Variants in MRTFB observed in about 807,000 individuals in gnomAD.
MRTFB encodes myocardin-related transcription factor B.
Under a neutral mutation model 104.2 loss-of-function variants are expected in MRTFB, and 29 were observed. The ratio of observed to expected loss-of-function variants is 0.28; its 90% CI spans 0.21 to 0.38. MRTFB has a LOEUF of 0.38. MRTFB is among the 10% of genes least tolerant of loss of function. The pLI is 1.00. For synonymous variants in MRTFB, 535 were observed against 519.5 expected (o/e 1.03, Z -0.41); for missense variants, 1,270 against 1,341.6 (o/e 0.95, Z 0.83).
chr16:14,143,506 A>ATT (rs201877546), intron 3 of MRTFB: 3 of 141,478 alleles, frequency 2.1e-5, no homozygotes, highest in African/African-American at 8.7e-5. Flanking sequence ...GGTAGTACTG[A>ATT]TTCTTTTTTT....
At chr16:14,101,160 T>C (rs1285710282) in intron 2 of MRTFB, among the ~76,000 whole-genome samples, 1 of 151,912 alleles carries the variant, frequency 6.6e-6, no homozygotes, top group African/African-American at 2.4e-5. Flanking sequence ...TTTTCTGATT[T>C]TAAGGGTAAA....
intron 3 of MRTFB, among the ~76,000 whole-genome samples, chr16:14,167,816 C>T (rs1297890166): frequency 6.6e-6 from 1 of 152,136 alleles, no homozygotes; most frequent in Non-Finnish European, 1.5e-5. Flanking sequence ...CTCAGCCTCC[C>T]AGTAGCTGGG....
intron 3 of MRTFB, among the ~76,000 whole-genome samples, chr16:14,172,577 T>C (rs1314940025): frequency 6.6e-6 from 1 of 152,090 alleles, no homozygotes; most frequent in East Asian, 1.9e-4. Context: ...AAAAGAAAAA[T>C]GCATGTGTAG....
At chr16:14,152,394 C>T (rs532299165) in intron 3 of MRTFB, 2 of 151,790 alleles carry the variant, frequency 1.3e-5, no homozygotes, top group South Asian at 4.2e-4. Context: ...GAAACAGAAA[C>T]AGTTCGGTTG....
chr16:14,094,156 T>C (rs2141994932), intron 2 of MRTFB, among the ~76,000 whole-genome samples: 1 of 152,266 alleles, frequency 6.6e-6, no homozygotes. Flanking sequence ...TCTGGGCTTG[T>C]CCGGCTCACT....
At chr16:14,164,734 A>G (rs2039169348) in intron 3 of MRTFB, among the ~76,000 whole-genome samples, 1 of 152,182 alleles carries the variant, frequency 6.6e-6, no homozygotes, top group African/African-American at 2.4e-5. Context: ...ATGTTTTACA[A>G]ATAAGGGACT....
chr16:14,027,741 G>C, the MRTFB span, among the ~76,000 whole-genome samples: 1 of 152,094 alleles, frequency 6.6e-6, no homozygotes, highest in African/African-American at 2.4e-5. Context: ...AACTTTAAAG[G>C]GGATTCCTTA....
chr16:14,153,395 A>G (rs548364551), intron 3 of MRTFB, among the ~76,000 whole-genome samples: 1 of 152,330 alleles, frequency 6.6e-6, no homozygotes, highest in Admixed American at 6.5e-5. Flanking sequence ...GAAAAATGGA[A>G]TTTGGTTAAA....
In MRTFB at chr16:14,086,616, A is replaced by G. The variant is rs373041782; in HGVS notation, c.-64+7262A>G. On this transcript the variant is annotated intron_variant, in intron 2 of 16. Transcript: ENST00000571589. ...GTATAATCTTGTATTTGTTTTCTAA[A>G]ATAACCAAATTTCTGGTTTCTTCAA... is the stretch of plus-strand genomic sequence containing the variant. 2.4e-4 allele frequency among the ~76,000 whole-genome samples: 36 copies of G among 152,248 alleles called. 1 individual carries two copies. The highest frequency in any genetic ancestry group is 4.4e-4 in the Non-Finnish European group (30 of 68,006).
chr16:14,250,371 A>G (rs990097691), intron 13 of MRTFB, among the ~76,000 whole-genome samples: 7 of 152,224 alleles, frequency 4.6e-5, no homozygotes, highest in East Asian at 3.8e-4. Context: ...TACAGTTACA[A>G]TATCAGCAGT....
At chr16:14,228,906 G>A (rs557435763) in intron 8 of MRTFB, among the ~76,000 whole-genome samples, 3 of 152,276 alleles carry the variant, frequency 2.0e-5, no homozygotes, top group African/African-American at 7.2e-5. Context: ...ATGATTGCCT[G>A]GGGGTGAGGG....
the MRTFB span, among the ~76,000 whole-genome samples, chr16:14,024,411 C>A: frequency 6.6e-6 from 1 of 152,196 alleles, no homozygotes. Flanking sequence ...TAGCCAAAGT[C>A]TAACAATATC....
At position 14,240,852 on chromosome 16, in the gene MRTFB, T is replaced by C. The variant is rs13335147; in HGVS notation, c.1079+368T>C. On this transcript the variant is annotated intron_variant, in intron 10 of 16. Coordinates refer to ENST00000571589, the MANE Select transcript of MRTFB (RefSeq NM_001308142.2). Reference sequence around the variant, plus strand: ...AGAAGAGAAGGATGGGCATGAAAGCTGGAGTGGTCAAAGGAAAGCCTGGTG... The same window carrying C: ...AGAAGAGAAGGATGGGCATGAAAGCCGGAGTGGTCAAAGGAAAGCCTGGTG... The C allele has an allele frequency of 8.9e-3, 5,733 of 646,402 alleles. 254 individuals are homozygous for C. The African/African-American group carries it at 0.092, about 10-fold the overall frequency. 40.0% of individuals were successfully genotyped at this position (646,402 alleles called of 1,614,324 possible). A position where few individuals can be genotyped will look rare whatever the true frequency, so the allele number is the denominator to read the frequency against.
the MRTFB span, among the ~76,000 whole-genome samples, chr16:14,025,455 T>G: frequency 6.6e-5 from 10 of 152,210 alleles, no homozygotes; most frequent in South Asian, 6.2e-4. Context: ...GTTTACCCAG[T>G]GCCTATCAAG....
intron 3 of MRTFB, among the ~76,000 whole-genome samples, chr16:14,204,973 A>G (rs2040875610): frequency 6.6e-6 from 1 of 152,248 alleles, no homozygotes; most frequent in African/African-American, 2.4e-5. Flanking sequence ...AACCTAAGTG[A>G]TAAACAGGGA....
At chr16:14,222,186 T>C (rs899983140) in intron 8 of MRTFB, among the ~76,000 whole-genome samples, 3 of 152,180 alleles carry the variant, frequency 2.0e-5, no homozygotes, top group South Asian at 2.1e-4. Context: ...GTAACAGAGG[T>C]CCACAGACCA....
At position 14,180,250 on chromosome 16, in the gene MRTFB, T is replaced by C. The variant is rs372224621; in HGVS notation, c.155-29993T>C. On this transcript the variant is annotated intron_variant, in intron 3 of 16. Coordinates refer to ENST00000571589, the MANE Select transcript of MRTFB (RefSeq NM_001308142.2). The stretch of plus-strand genomic sequence containing the variant: ...ATAGAATGATCTTAGTAAATGCACA[T>C]TGGCCTTCAGTGAGTTACATTAATG... Among the ~76,000 whole-genome samples, 7 of 152,342 alleles carry C rather than the reference T, an allele frequency of 4.6e-5. No homozygotes were observed. The East Asian group carries it at 5.8e-4, about 13-fold the overall frequency.
chr16:14,008,950 A>ATTTATTTATTTATTTATTTATTTATTTC, the MRTFB span, among the ~76,000 whole-genome samples: 1 of 151,352 alleles, frequency 6.6e-6, no homozygotes. Context: ...TTATGTATTT[A>ATTTATTTATTTATTTATTTATTTATTTC]TTTATTTTCA....
chr16:14,063,742 G>T, the MRTFB span, among the ~76,000 whole-genome samples: 1 of 152,190 alleles, frequency 6.6e-6, no homozygotes, highest in East Asian at 1.9e-4. Context: ...GCAGGATGTA[G>T]CAAACAGCTG....
Sources: allele counts gnomAD v4.1 joint callset (sites outside exome capture counted in the v4.1 genomes callset), GRCh38; gene constraint gnomAD v4.1.1; transcripts MANE v1.5; gene names NCBI Gene and HGNC (gene_info 2026-07-23, HGNC 2026-07-21).